SMC1A: variants seen among roughly 807,000 people sequenced by gnomAD.
SMC1A encodes the protein structural maintenance of chromosomes 1A.
In SMC1A, 4 loss-of-function variants were observed where a neutral mutation model predicts 94.5. The ratio of observed to expected loss-of-function variants is 0.04; its 90% CI spans 0.02 to 0.10. The LOEUF (loss-of-function observed/expected upper bound fraction) is 0.10. Among genes scored for constraint, SMC1A ranks in the 10% least tolerant of loss-of-function variants. The pLI, the probability that SMC1A is intolerant of heterozygous loss-of-function variation, is 1.00. For synonymous variants in SMC1A, 345 were observed against 347.7 expected, an observed-to-expected ratio of 0.99 and a Z score of 0.09; for missense variants, 304 against 989.0, an observed-to-expected ratio of 0.31 and a Z score of 9.29.
Position 53,412,828 on chromosome X carries a change from C to T in SMC1A, c.854+72G>A, listed in dbSNP as rs141788659. The stretch of plus-strand genomic sequence containing the variant: ...ATGAGTATAGGTACTGAACTCCGGG[C>T]TCAGAGGAACCCTAATAAACAGCAC... On this transcript the variant is annotated intron_variant, in intron 5 of 24. Coordinates refer to ENST00000322213, the MANE Select transcript of SMC1A (RefSeq NM_006306.4). 52 of 1,204,771 alleles carry T rather than the reference C, an allele frequency of 4.3e-5. No homozygotes were observed. The African/African-American group carries it at 7.0e-4, about 16-fold the overall frequency.
intron 19 of SMC1A, among the ~76,000 whole-genome samples, chrX:53,390,973 C>CAAAAAAAAAAAAA (rs782771730): frequency 5.8e-5 from 2 of 34,321 alleles, no homozygotes; most frequent in Non-Finnish European, 8.8e-5. Context: ...GACTCCGTCT[C>CAAAAAAAAAAAAA]AAAAAAAAAA....
rs188961203 is a variant in SMC1A at position 53,392,727 on chromosome X, C to T, written c.2973+2051G>A. Reference sequence around the variant, plus strand: ...CCTCTCAAAGTGCTGGGATTACAGGCGTGAGCCACCGCGCCTGACCCTCAA... The same window carrying T: ...CCTCTCAAAGTGCTGGGATTACAGGTGTGAGCCACCGCGCCTGACCCTCAA... On this transcript the variant is annotated intron_variant, in intron 19 of 24. Coordinates refer to ENST00000322213, the MANE Select transcript of SMC1A (RefSeq NM_006306.4). Among the ~76,000 whole-genome samples, 16 of 111,929 alleles carry T rather than the reference C, an allele frequency of 1.4e-4. No homozygotes were observed. The East Asian group carries it at 2.3e-3, about 16-fold the overall frequency.
rs2075568910 is a variant in SMC1A at position 53,378,486 on chromosome X, A to G, written c.*1617T>C. ...ATTCAATATATCATTTGCATTAAAC[A>G]CACAATATTTCCAATGAGTTCACAT... is the stretch of plus-strand genomic sequence containing the variant. On this transcript the variant is annotated 3_prime_UTR_variant, in exon 25 of 25. Transcript: ENST00000322213. The G allele has an allele frequency of 8.9e-6, 1 of 112,700 alleles. No homozygotes were observed. The highest frequency in any genetic ancestry group is 9.4e-5 in the Admixed American group (1 of 10,640). The allele number at this position is 112,700 out of a possible 1,213,427, so 9.3% of individuals were successfully genotyped here.
intron 18 of SMC1A, 29 bp downstream of exon 18, chrX:53,396,198 C>T: frequency 8.3e-7 from 1 of 1,204,369 alleles, no homozygotes; most frequent in South Asian, 1.8e-5. Flanking sequence ...TGTTCATCGC[C>T]CACTCCCACC....
rs782269261 is a variant in SMC1A, at chrX:53,417,454, G to A, written c.110-2285C>T. On this transcript the variant is annotated intron_variant, in intron 1 of 24. Coordinates refer to ENST00000322213, the MANE Select transcript of SMC1A (RefSeq NM_006306.4). ...TAATCCCAGCTACTCAGGAGGCTGA[G>A]GCAGGAGACTCGCTTGAACCTGGGA... Among the ~76,000 whole-genome samples, 3 of 107,793 alleles carry A rather than the reference G, an allele frequency of 2.8e-5. 1 individual carries two copies. In the South Asian group the frequency reaches 1.3e-3, roughly 46 times the overall value. 93.6% of individuals were successfully genotyped at this position (107,793 alleles called of 115,157 possible).
chrX:53,411,293 A>G (rs2075711917), intron 7 of SMC1A, among the ~76,000 whole-genome samples: 1 of 111,534 alleles, frequency 9.0e-6, no homozygotes, highest in South Asian at 3.7e-4. Flanking sequence ...CATTGTCATT[A>G]TCATTAAGAT....
intron 1 of SMC1A, among the ~76,000 whole-genome samples, chrX:53,419,417 CTGGGAAGGCTGAGA>C (rs1556891738): frequency 9.2e-6 from 1 of 108,965 alleles, no homozygotes. Flanking sequence ...GTCCTGACTA[CTGGGAAGGCTGAGA>C]TGGGAGGGTT....
intron 1 of SMC1A, among the ~76,000 whole-genome samples, chrX:53,419,807 G>A (rs1474716667): frequency 9.9e-6 from 1 of 100,926 alleles, no homozygotes; most frequent in African/African-American, 3.8e-5. Flanking sequence ...CTGGGCGACA[G>A]AGAAAGACTT....
At chrX:53,387,341 A>T (rs1475492723) in intron 19 of SMC1A, among the ~76,000 whole-genome samples, 1 of 112,260 alleles carries the variant, frequency 8.9e-6, no homozygotes, top group Non-Finnish European at 1.9e-5. Flanking sequence ...TAGTATATAC[A>T]GAGTAGGATA....
intron 19 of SMC1A, among the ~76,000 whole-genome samples, chrX:53,391,610 T>C (rs1556887285): frequency 9.0e-6 from 1 of 110,934 alleles, no homozygotes; most frequent in East Asian, 2.8e-4. Context: ...CAGTGCAGCC[T>C]CAACCTCCCA....
intron 1 of SMC1A, among the ~76,000 whole-genome samples, chrX:53,416,241 T>C (rs1223142846): frequency 3.9e-5 from 4 of 101,845 alleles, no homozygotes; most frequent in Admixed American, 1.1e-4. Context: ...AGGTGGAGGC[T>C]GCAGTGAGCC....
At chrX:53,412,335 T>C in intron 5 of SMC1A, 82 bp from the exon 6 acceptor site, 1 of 978,700 alleles carries the variant, frequency 1.0e-6, no homozygotes, top group South Asian at 2.0e-5. Flanking sequence ...AAGGAGAGCT[T>C]GAGCCCCTGA....
At chrX:53,391,233 T>C (rs1280412700) in intron 19 of SMC1A, among the ~76,000 whole-genome samples, 1 of 109,502 alleles carries the variant, frequency 9.1e-6, no homozygotes, top group Non-Finnish European at 1.9e-5. Context: ...GAGAATCACT[T>C]GAACCCAGGA....
At chrX:53,402,398 A>G (rs1362292259) in intron 15 of SMC1A, among the ~76,000 whole-genome samples, 1 of 110,748 alleles carries the variant, frequency 9.0e-6, no homozygotes, top group African/African-American at 3.3e-5. Flanking sequence ...AGGAAAAATG[A>G]GAAGATTATT....
chrX:53,413,174 G>A (rs367900295), intron 4 of SMC1A, 36 bp from the exon 5 acceptor site: 34 of 1,209,824 alleles, frequency 2.8e-5, no homozygotes, highest in South Asian at 1.2e-4. Flanking sequence ...GGGGTGCATC[G>A]ATAAGGCACT....
At chrX:53,387,835 A>G (rs1556886634) in intron 19 of SMC1A, among the ~76,000 whole-genome samples, 1 of 111,741 alleles carries the variant, frequency 8.9e-6, no homozygotes, top group African/African-American at 3.3e-5. Context: ...AACAGACTGA[A>G]AGACACCAAA....
intron 1 of SMC1A, among the ~76,000 whole-genome samples, chrX:53,418,038 A>G (rs2075738898): frequency 8.9e-6 from 1 of 112,696 alleles, no homozygotes; most frequent in African/African-American, 3.2e-5. Context: ...ATTGTATACC[A>G]TGTACATGTA....
rs372708074 is a variant in SMC1A at position 53,396,620 on chromosome X, G to A, written c.2563-3C>T. 27 of 1,204,308 alleles carry A rather than the reference G, an allele frequency of 2.2e-5. No individual in the cohort carries two copies. Among genetic ancestry groups the A allele is most frequent in the Non-Finnish European group, 2.9e-5 (26 of 894,252 alleles). On this transcript the variant is annotated splice_region_variant and splice_polypyrimidine_tract_variant and intron_variant, in intron 16 of 24. Coordinates refer to ENST00000322213, the MANE Select transcript of SMC1A (RefSeq NM_006306.4). ...ATCTTCATGTGTCTTTGTTCCTCCT[G>A]GTCCCAGCAGTGGGAACAGGACAAT...
In SMC1A at chrX:53,378,645, T is replaced by C. The variant is rs1602396871; in HGVS notation, c.*1458A>G. Reference sequence around the variant, plus strand: ...ACAATCTAACTTCTCAAAAGGAGAATGAATTCATGCATATTTGGGTAATTA... The same window carrying C: ...ACAATCTAACTTCTCAAAAGGAGAACGAATTCATGCATATTTGGGTAATTA... On this transcript the variant is annotated 3_prime_UTR_variant, in exon 25 of 25. Transcript: ENST00000322213. 1.8e-5 allele frequency: 2 copies of C among 112,561 alleles called. No homozygotes were observed. The highest frequency in any genetic ancestry group is 6.5e-5 in the African/African-American group (2 of 30,936). The allele number at this position is 112,561 out of a possible 1,213,427, so 9.3% of individuals were successfully genotyped here. A position where few individuals can be genotyped will look rare whatever the true frequency, so the allele number is the denominator to read the frequency against.
Sources: gnomAD v4.1 joint callset for allele counts (sites outside exome capture counted in the v4.1 genomes callset) on GRCh38, gnomAD v4.1.1 for gene constraint, MANE v1.5 for transcripts, NCBI Gene and HGNC (gene_info 2026-07-23, HGNC 2026-07-21) for gene names.